Variants in DNAJB12 observed in about 807,000 individuals in gnomAD.
DNAJB12 encodes dnaJ homolog subfamily B member 12.
In DNAJB12, 14 loss-of-function variants were observed where a neutral mutation model predicts 40.6. That is an observed-to-expected ratio of 0.34 (90% confidence interval 0.23 to 0.54). The LOEUF (loss-of-function observed/expected upper bound fraction) is 0.54, where lower values mean the gene tolerates loss of function less well. Ranked by LOEUF, DNAJB12 falls within the 20% of genes least tolerant of loss-of-function variation. The pLI is 0.92. For synonymous variants in DNAJB12, 181 were observed against 199.5 expected (o/e 0.91, Z 0.78); for missense variants, 444 against 501.7 (o/e 0.89, Z 1.10).
rs776533149 is a variant in DNAJB12, at chr10:72,345,058, T to C, written c.203A>G (p.His68Arg). Residue 68 changes from histidine (H) to arginine (R), a missense_variant, in exon 2 of 9, where the codon CAT (histidine) becomes CGT (arginine). Coordinates refer to ENST00000444643, the MANE Select transcript of DNAJB12 (RefSeq NM_017626.7). Reference protein sequence around the residue: ...GDQPPPTDTTHATHRKAGGTD... With the variant: ...GDQPPPTDTTRATHRKAGGTD... Reference sequence around the variant, plus strand: ...CCCACCTGCTTTCCTGTGGGTGGCATGGGTTGTGTCTGTGGGTGGGGGTTG... The same window carrying C: ...CCCACCTGCTTTCCTGTGGGTGGCACGGGTTGTGTCTGTGGGTGGGGGTTG... 9.3e-6 allele frequency: 15 copies of C among 1,614,200 alleles called. No individual in the cohort carries two copies. In the East Asian group the frequency reaches 3.1e-4, roughly 34 times the overall value.
rs1269731967 is a variant in DNAJB12 at position 72,334,539 on chromosome 10, T to G, written c.*109A>C. On this transcript the variant is annotated 3_prime_UTR_variant, in exon 9 of 9. Coordinates refer to ENST00000444643, the MANE Select transcript of DNAJB12 (RefSeq NM_017626.7). ...CAATTCCATTTTAATTTTGTTTCTT[T>G]GTTTGTCTTTCCTCAAATATACAGT... 2.0e-6 allele frequency: 3 copies of G among 1,532,794 alleles called. No individual in the cohort carries two copies. The East Asian group carries it at 7.4e-5, about 38-fold the overall frequency. The allele number at this position is 1,532,794 out of a possible 1,614,324, so 94.9% of individuals were successfully genotyped here.
rs769695475 is a variant in DNAJB12 at position 72,338,306 on chromosome 10, C to G, written c.729G>C (p.Gly243=). ...QDRRDNQGDG[G]LGVFVQLMPI... is the part of the protein sequence containing the mutation. ...GCATCAGCTGCACAAACACCCCTAG[C>G]CCGCCCTGGAGGGAAGAGCCAATGT... Residue 243 remains glycine, a synonymous_variant, in exon 6 of 9, where the codon GGG becomes GGC. Transcript: ENST00000444643. 2 of 1,613,948 alleles carry G rather than the reference C, an allele frequency of 1.2e-6. No homozygotes were observed. Among genetic ancestry groups the G allele is most frequent in the South Asian group, 2.2e-5 (2 of 91,082 alleles).
chr10:72,336,421 G>T, intron 7 of DNAJB12, 103 bp downstream of exon 7: 1 of 1,277,270 alleles, frequency 7.8e-7, no homozygotes, highest in Non-Finnish European at 1.1e-6. Context: ...CAGGGGCTGG[G>T]CCCTCAGAGC....
In DNAJB12 at chr10:72,340,276, G is replaced by A. The variant is rs570202049; in HGVS notation, c.723+513C>T. Among the ~76,000 whole-genome samples, 17 of 152,082 alleles carry A rather than the reference G, an allele frequency of 1.1e-4. No homozygotes were observed. The East Asian group carries it at 2.9e-3, about 26-fold the overall frequency. Reference sequence around the variant, plus strand: ...GGAGAATGGCTTGAACCCGGGAGGCGGAGGTTGCAGTGAGCCGAGATCGCG... The same window carrying A: ...GGAGAATGGCTTGAACCCGGGAGGCAGAGGTTGCAGTGAGCCGAGATCGCG... On this transcript the variant is annotated intron_variant, in intron 5 of 8. Coordinates refer to ENST00000444643, the MANE Select transcript of DNAJB12 (RefSeq NM_017626.7).
intron 5 of DNAJB12, among the ~76,000 whole-genome samples, chr10:72,338,793 C>T (rs1358711924): frequency 6.6e-6 from 1 of 151,694 alleles, no homozygotes; most frequent in Non-Finnish European, 1.5e-5. Context: ...ACATACACCC[C>T]CATCTCTACA....
At chr10:72,346,965 T>G (rs1198627428) in intron 1 of DNAJB12, among the ~76,000 whole-genome samples, 2 of 152,022 alleles carry the variant, frequency 1.3e-5, no homozygotes, top group Non-Finnish European at 2.9e-5. Context: ...CCATTGGTTT[T>G]TTTTTTTTTT....
At chr10:72,350,575 A>G (rs1396798322) in intron 1 of DNAJB12, among the ~76,000 whole-genome samples, 2 of 152,166 alleles carry the variant, frequency 1.3e-5, no homozygotes, top group Non-Finnish European at 1.5e-5. Context: ...ACTCAGCCCA[A>G]TGCCCAGCAA....
At chr10:72,343,543 C>T in intron 2 of DNAJB12, 32 bp from the exon 3 acceptor site, 2 of 1,612,818 alleles carry the variant, frequency 1.2e-6, no homozygotes, top group Non-Finnish European at 8.5e-7. Context: ...GTACGGGGTG[C>T]TCTACATGGG....
At chr10:72,344,863 AG>A in intron 2 of DNAJB12, 86 bp downstream of exon 2, 4 of 1,506,832 alleles carry the variant, frequency 2.7e-6, no homozygotes, top group Non-Finnish European at 2.8e-6. Context: ...TGCTGCCCAC[AG>A]GCAGATGGGA....
At chr10:72,337,922 G>GTGTACA (rs1414033330) in intron 6 of DNAJB12, among the ~76,000 whole-genome samples, 1 of 152,140 alleles carries the variant, frequency 6.6e-6, no homozygotes, top group Non-Finnish European at 1.5e-5. Context: ...TTGTGTGTGT[G>GTGTACA]TGTACATGTG....
At chr10:72,341,272 T>C (rs1861633082) in intron 3 of DNAJB12, 102 bp from the exon 4 acceptor site, 1 of 1,173,592 alleles carries the variant, frequency 8.5e-7, no homozygotes, top group South Asian at 1.5e-5. Context: ...CAAGCAGTGC[T>C]TTAGGAAGCA....
chr10:72,334,593 A>T lies in DNAJB12; in HGVS notation c.*55T>A. The T allele has an allele frequency of 6.5e-7, 1 of 1,533,024 alleles. No homozygotes were observed. The highest frequency in any genetic ancestry group is 8.7e-7 in the Non-Finnish European group (1 of 1,146,132). 95.0% of individuals were successfully genotyped at this position (1,533,024 alleles called of 1,614,324 possible). ...TCACCTTGGCTCAGTGCATGTCACCAAAAATTCTCCAGGGATTTCATAGTC... is the reference window on the plus strand; with the variant it reads ...TCACCTTGGCTCAGTGCATGTCACCTAAAATTCTCCAGGGATTTCATAGTC... On this transcript the variant is annotated 3_prime_UTR_variant, in exon 9 of 9. Transcript: ENST00000444643.
In DNAJB12 at chr10:72,335,040, G is replaced by A. The variant is rs1357188959; in HGVS notation, c.*31-423C>T. The A allele has an allele frequency of 2.0e-6, 2 of 1,024,324 alleles. No homozygotes were observed. The highest frequency in any genetic ancestry group is 5.5e-5 in the Admixed American group (1 of 18,074). 63.5% of individuals were successfully genotyped at this position (1,024,324 alleles called of 1,614,324 possible). A position where few individuals can be genotyped will look rare whatever the true frequency, so the allele number is the denominator to read the frequency against. ...CCCTCCACCCCTCCTGTGCTGAGCG[G>A]CTGCGTCTGACCCTGAACTCATGAC... On this transcript the variant is annotated intron_variant, in intron 8 of 8. Coordinates refer to ENST00000444643, the MANE Select transcript of DNAJB12 (RefSeq NM_017626.7). This position sits in a 1 kb window ranked among gnomAD's most constrained non-coding sequence, Gnocchi z 4.4.
In DNAJB12 at chr10:72,333,512, G is replaced by A. The variant is rs1861375714; in HGVS notation, c.*1136C>T. 6.6e-6 allele frequency: 1 copy of A among 152,490 alleles called. No individual in the cohort carries two copies. Among genetic ancestry groups the A allele is most frequent in the African/African-American group, 2.4e-5 (1 of 41,280 alleles). The allele number at this position is 152,490 out of a possible 1,614,324, so 9.4% of individuals were successfully genotyped here. ...CACTGCCTTTTCTTCAGGAGTCGAG[G>A]AGGCTGCCCTGGGGTCCCGGCACCA... On this transcript the variant is annotated 3_prime_UTR_variant, in exon 9 of 9. Coordinates refer to ENST00000444643, the MANE Select transcript of DNAJB12 (RefSeq NM_017626.7).
At chr10:72,336,012 C>A in intron 7 of DNAJB12, 81 bp from the exon 8 acceptor site, 1 of 1,560,198 alleles carries the variant, frequency 6.4e-7, no homozygotes, top group Middle Eastern at 1.7e-4. Context: ...CTGTGGAGGG[C>A]GGAGGAAAGC....
intron 1 of DNAJB12, among the ~76,000 whole-genome samples, chr10:72,349,035 A>T (rs1348165580): frequency 6.6e-6 from 1 of 152,170 alleles, no homozygotes; most frequent in Admixed American, 6.5e-5. Context: ...CCTGGGCTGC[A>T]CGTGTCTGAT....
In DNAJB12 at chr10:72,345,025, G is replaced by A. The variant is rs1256372622; in HGVS notation, c.236C>T (p.Ala79Val). Residue 79 changes from alanine (A) to valine (V), a missense_variant, in exon 2 of 9, where the codon GCC (alanine) becomes GTC (valine). Coordinates refer to ENST00000444643, the MANE Select transcript of DNAJB12 (RefSeq NM_017626.7). ...TCCAGCTTCACCGTTGGCCGAGGGGGCATCGGTCCCACCTGCTTTCCTGTG... is the reference window on the plus strand; with the variant it reads ...TCCAGCTTCACCGTTGGCCGAGGGGACATCGGTCCCACCTGCTTTCCTGTG... Reference protein sequence around the residue: ...ATHRKAGGTDAPSANGEAGGE... With the variant: ...ATHRKAGGTDVPSANGEAGGE... 1.2e-6 allele frequency: 2 copies of A among 1,614,110 alleles called. No homozygotes were observed. The highest frequency in any genetic ancestry group is 1.7e-6 in the Non-Finnish European group (2 of 1,180,046).
In DNAJB12 at chr10:72,349,358, G is replaced by A. The variant is rs140472677; in HGVS notation, c.134-4231C>T. ...GGGAGGAGGAGGGCTGGGTAGCGGG[G>A]GAGCTCCAAGGCTCAGGAAGGCAAA... On this transcript the variant is annotated intron_variant, in intron 1 of 8. Transcript: ENST00000444643. 6.0e-3 allele frequency among the ~76,000 whole-genome samples: 915 copies of A among 152,108 alleles called. 8 individuals carry two copies. The highest frequency in any genetic ancestry group is 0.029 in the South Asian group (140 of 4,814).
At chr10:72,350,320 G>A (rs897811421) in intron 1 of DNAJB12, among the ~76,000 whole-genome samples, 1 of 149,968 alleles carries the variant, frequency 6.7e-6, no homozygotes, top group Admixed American at 6.7e-5. Context: ...GATCACTTGG[G>A]CCTGGGTGGT....
Sources: allele counts gnomAD v4.1 joint callset (sites outside exome capture counted in the v4.1 genomes callset), GRCh38; gene constraint gnomAD v4.1.1; non-coding constraint Gnocchi (gnomAD v3.1); transcripts MANE v1.5; gene names NCBI Gene and HGNC (gene_info 2026-07-23, HGNC 2026-07-21).